XYLT2: variants seen among roughly 807,000 people sequenced by gnomAD.
XYLT2 encodes UDP-D-xylose:proteoglycan core protein beta-D-xylosyltransferase.
Under a neutral mutation model 82.6 loss-of-function variants are expected in XYLT2, and 37 were observed. The ratio of observed to expected loss-of-function variants is 0.45; its 90% CI spans 0.34 to 0.59. The LOEUF is 0.59. Ranked by LOEUF, XYLT2 falls within the 20% of genes least tolerant of loss-of-function variation. The pLI, the probability that XYLT2 is intolerant of heterozygous loss-of-function variation, is 0.01. For missense variants in XYLT2, 934 were observed against 1,181.3 expected (o/e 0.79, Z 3.07); for synonymous variants, 474 against 499.0 (o/e 0.95, Z 0.67).
chr17:50,358,731 G>A (rs1163902742), intron 10 of XYLT2, among the ~76,000 whole-genome samples, 191 bp downstream of exon 10: 1 of 152,226 alleles, frequency 6.6e-6, no homozygotes, highest in Non-Finnish European at 1.5e-5. Flanking sequence ...GGAAAAGGGA[G>A]CTTTACAGTC....
rs1337802009 is a variant in XYLT2 at position 50,346,298 on chromosome 17, G to GGGCA, written c.135+27_135+30dup. On this transcript the variant is annotated intron_variant, in intron 1 of 10. Transcript: ENST00000017003. This position sits in a 1 kb window ranked among gnomAD's most constrained non-coding sequence, Gnocchi z 5.1. ...GAGGTGCTCCGACGGCCGGGCGGGCGGGCAGGCCGGGCGCGGGGGCGCGCG... is the reference window on the plus strand; with the variant it reads ...GAGGTGCTCCGACGGCCGGGCGGGCGGGCAGGCAGGCCGGGCGCGGGGGCGCGCG... The GGGCA allele has an allele frequency of 8.5e-6, 9 of 1,057,630 alleles. No homozygotes were observed. The highest frequency in any genetic ancestry group is 1.1e-4 in the Admixed American group (2 of 18,034). 65.5% of individuals were successfully genotyped at this position (1,057,630 alleles called of 1,614,324 possible).
rs758667071 is a variant in XYLT2, at chr17:50,354,022, C to T, written c.528C>T (p.Ala176=). 6.2e-7 allele frequency: 1 copy of T among 1,607,756 alleles called. No homozygotes were observed. The highest frequency in any genetic ancestry group is 2.2e-5 in the East Asian group (1 of 44,870). ...GKDALSALAR[A]STKQCQQEIA... Reference sequence around the variant, plus strand: ...ACGCACTGTCTGCACTGGCCCGGGCCAGCACCAAGCAGTGCCAGCAGGAGA... The same window carrying T: ...ACGCACTGTCTGCACTGGCCCGGGCTAGCACCAAGCAGTGCCAGCAGGAGA... Residue 176 remains alanine (A), a synonymous_variant, in exon 2 of 11, where the codon GCC becomes GCT. Transcript: ENST00000017003.
chr17:50,349,264 G>C (rs1912156859), intron 1 of XYLT2, among the ~76,000 whole-genome samples: 2 of 152,220 alleles, frequency 1.3e-5, no homozygotes, highest in South Asian at 4.1e-4. Flanking sequence ...CTTGTGCTCT[G>C]TAGCCAGCTC....
rs143022201 is a variant in XYLT2 at position 50,347,453 on chromosome 17, A to C, written c.135+1178A>C. 6.8e-4 allele frequency among the ~76,000 whole-genome samples: 103 copies of C among 152,112 alleles called. No homozygotes were observed. The Middle Eastern group carries it at 0.02, about 30-fold the overall frequency. On this transcript the variant is annotated intron_variant, in intron 1 of 10. Coordinates refer to ENST00000017003, the MANE Select transcript of XYLT2 (RefSeq NM_022167.4). The stretch of plus-strand genomic sequence containing the variant: ...GAGTCACATGAGACCATAACTCCAA[A>C]AGGAGGTGGGGGCGGGGGTGGGGCT...
In XYLT2 at chr17:50,346,460, C is replaced by T. The variant is rs1041417687; in HGVS notation, c.135+185C>T. ...TCCCTTCCCCAGCAGGCCTAGGGAG[C>T]TGCGCGCGGGGGCAGTGCGTGACCT... On this transcript the variant is annotated intron_variant, in intron 1 of 10. Transcript: ENST00000017003. This position sits in a 1 kb window ranked among gnomAD's most constrained non-coding sequence, Gnocchi z 5.1. 167 of 855,298 alleles carry T rather than the reference C, an allele frequency of 2.0e-4. No homozygotes were observed. Among genetic ancestry groups the T allele is most frequent in the African/African-American group, 1.5e-3 (81 of 55,050 alleles). The allele number at this position is 855,298 out of a possible 1,614,324, so 53.0% of individuals were successfully genotyped here.
chr17:50,357,124 C>T lies in XYLT2; in HGVS notation c.1813C>T (p.Leu605=). 1 of 1,613,922 alleles carries T rather than the reference C, an allele frequency of 6.2e-7. No individual in the cohort carries two copies. Residue 605 remains leucine (L), a synonymous_variant, in exon 9 of 11, where the codon CTG becomes TTG. Transcript: ENST00000017003. ...CTATGACGACCATTTCCAGGGCTAC[C>T]TGGTGACGCAGGCGGTGCAGCCCTC... ...YFYDDHFQGY[L]VTQAVQPSAQ...
chr17:50,358,875 A>G (rs1286163068), intron 10 of XYLT2: 3 of 234,854 alleles, frequency 1.3e-5, no homozygotes, highest in Non-Finnish European at 2.5e-5. Context: ...CTCCTGGTTC[A>G]TGCAACACAA....
At chr17:50,355,376 C>T in intron 4 of XYLT2, 125 bp from the exon 5 acceptor site, 3 of 1,027,836 alleles carry the variant, frequency 2.9e-6, no homozygotes, top group South Asian at 2.9e-5. Flanking sequence ...CCCCAGACAT[C>T]AGCCAGGGGT....
intron 2 of XYLT2, 99 bp from the exon 3 acceptor site, chr17:50,354,309 G>A: frequency 6.6e-7 from 1 of 1,505,854 alleles, no homozygotes; most frequent in Non-Finnish European, 8.8e-7. Context: ...GGAGCTCCAA[G>A]TCTAGGTTTC....
In XYLT2 at chr17:50,356,300, C is replaced by G. The variant is rs200807257; in HGVS notation, c.1482+39C>G. ...GCCCCAAGGCCCCTGGCTAGGTCTT[C>G]TCCCCTGGCTTTTCACCAGGAAAAT... On this transcript the variant is annotated intron_variant, in intron 7 of 10. Coordinates refer to ENST00000017003, the MANE Select transcript of XYLT2 (RefSeq NM_022167.4). 2.8e-4 allele frequency: 440 copies of G among 1,597,864 alleles called. 7 individuals carry two copies. In the Admixed American group the frequency reaches 7.4e-3, roughly 27 times the overall value.
At chr17:50,349,671 G>A (rs1300119726) in intron 1 of XYLT2, among the ~76,000 whole-genome samples, 1 of 152,220 alleles carries the variant, frequency 6.6e-6, no homozygotes, top group Non-Finnish European at 1.5e-5. Flanking sequence ...TGGCCTGAAG[G>A]TAGCTGTCAG....
At chr17:50,349,396 G>A (rs956639213) in intron 1 of XYLT2, among the ~76,000 whole-genome samples, 3 of 152,056 alleles carry the variant, frequency 2.0e-5, no homozygotes, top group African/African-American at 7.2e-5. Flanking sequence ...GCCTCCTCTT[G>A]CAGGTATCTC....
At position 50,350,386 on chromosome 17, in the gene XYLT2, T is replaced by C. The variant is rs1374023319; in HGVS notation, c.136-3244T>C. Among the ~76,000 whole-genome samples the C allele has an allele frequency of 1.9e-5, 2 of 107,610 alleles. 1 individual carries two copies. Among genetic ancestry groups the C allele is most frequent in the Non-Finnish European group, 4.0e-5 (2 of 50,622 alleles). The allele number at this position is 107,610 out of a possible 152,430, so 70.6% of individuals were successfully genotyped here. A position where few individuals can be genotyped will look rare whatever the true frequency, so the allele number is the denominator to read the frequency against. The stretch of plus-strand genomic sequence containing the variant: ...TTCGAGACCAGCCTGGCCAACATGG[T>C]GAAACTCTGTCTCTACTAAAAATAC... On this transcript the variant is annotated intron_variant, in intron 1 of 10. Transcript: ENST00000017003.
At chr17:50,354,673 G>GT in intron 3 of XYLT2, 90 bp downstream of exon 3, 1 of 1,391,518 alleles carries the variant, frequency 7.2e-7, no homozygotes, top group Non-Finnish European at 9.3e-7. Flanking sequence ...CCTGGCCCAG[G>GT]TAGCCTAGGA....
At position 50,346,583 on chromosome 17, in the gene XYLT2, AGCGGGGCTGGGAG is replaced by A. The variant is rs1486944682; in HGVS notation, c.135+320_135+332del. ...GGAGCGATGAAGGTCAGGCGCGGCG[AGCGGGGCTGGGAG>A]GCGGGGCTGGGCCCGAACCTGCTCG... On this transcript the variant is annotated intron_variant, in intron 1 of 10. Coordinates refer to ENST00000017003, the MANE Select transcript of XYLT2 (RefSeq NM_022167.4). The surrounding 1 kb of genome is among the most constrained non-coding windows in gnomAD (Gnocchi z 5.1). 9.2e-6 allele frequency: 9 copies of A among 981,648 alleles called. No individual in the cohort carries two copies. The highest frequency in any genetic ancestry group is 2.4e-6 in the Non-Finnish European group (2 of 826,954). The allele number at this position is 981,648 out of a possible 1,614,324, so 60.8% of individuals were successfully genotyped here.
At chr17:50,357,359 A>G (rs1341008982) in intron 9 of XYLT2, 107 bp downstream of exon 9, 5 of 1,181,740 alleles carry the variant, frequency 4.2e-6, no homozygotes, top group Non-Finnish European at 3.5e-6. Context: ...TTTCCCAGTC[A>G]TGGCAGCCAT....
Position 50,353,738 on chromosome 17 carries a change from C to T in XYLT2, c.244C>T (p.Arg82Trp), listed in dbSNP as rs763464424. The change falls in exon 2 of 11, where the codon CGG (arginine) becomes TGG (tryptophan). Residue 82 changes from arginine to tryptophan, a missense_variant. Physicochemically the swap from Arg to Trp is moderately radical, Grantham distance 101 (BLOSUM62 -3). This residue lies in a region of XYLT2 where 371 missense variants were observed against 394.9 expected (regional missense o/e 0.94). Coordinates refer to ENST00000017003, the MANE Select transcript of XYLT2 (RefSeq NM_022167.4). Reference protein sequence around the residue: ...GSTGRRHGRWRGRAESPGVPV... With the variant: ...GSTGRRHGRWWGRAESPGVPV... ...CACAGGCAGAAGGCATGGGCGCTGG[C>T]GGGGCCGTGCTGAGAGCCCAGGAGT... 20 of 1,557,682 alleles carry T rather than the reference C, an allele frequency of 1.3e-5. 1 individual carries two copies. Among genetic ancestry groups the T allele is most frequent in the South Asian group, 8.3e-5 (7 of 84,840 alleles).
Position 50,354,481 on chromosome 17 carries a change from C to A in XYLT2, c.702C>A (p.Ile234=). 1 of 1,612,936 alleles carries A rather than the reference C, an allele frequency of 6.2e-7. No homozygotes were observed. The change falls in exon 3 of 11, where the codon ATC becomes ATA. Residue 234 remains isoleucine (I), a synonymous_variant. Transcript: ENST00000017003. ...QQPMDGPPVR[I]AYMLVVHGRA... The stretch of plus-strand genomic sequence containing the variant: ...CCATGGATGGCCCCCCGGTGCGAAT[C>A]GCCTACATGCTGGTGGTTCACGGCC...
At position 50,360,255 on chromosome 17, in the gene XYLT2, G is replaced by A. The variant is rs1912744710; in HGVS notation, c.2562G>A (p.Glu854=). 6.2e-7 allele frequency: 1 copy of A among 1,609,398 alleles called. No homozygotes were observed. The highest frequency in any genetic ancestry group is 1.1e-5 in the South Asian group (1 of 90,818). ...WSSLSPDPKS[E]LGPVKADGRL... is the part of the protein sequence containing the mutation. ...CTCTGTCCCCCGACCCCAAATCAGA[G>A]CTGGGGCCTGTCAAAGCAGACGGGC... The change falls in exon 11 of 11, where the codon GAG becomes GAA. Residue 854 remains glutamate, a synonymous_variant. Transcript: ENST00000017003.
Sources: gnomAD v4.1 joint callset for allele counts (sites outside exome capture counted in the v4.1 genomes callset) on GRCh38, gnomAD v4.1.1 for gene constraint, gnomAD v4.1.1 regional missense constraint, Gnocchi (gnomAD v3.1) non-coding constraint, MANE v1.5 for transcripts, NCBI Gene and HGNC (gene_info 2026-07-23, HGNC 2026-07-21) for gene names.